ACER3: variants seen among roughly 807,000 people sequenced by gnomAD.
The protein encoded by ACER3 is alkCDase 3.
A neutral mutation model predicts 48.9 loss-of-function variants in ACER3; 16 were observed. The ratio of observed to expected loss-of-function variants is 0.33; its 90% CI spans 0.22 to 0.50. The LOEUF (loss-of-function observed/expected upper bound fraction) is 0.50, where lower values mean the gene tolerates loss of function less well. ACER3 is among the 20% of genes least tolerant of loss of function. The probability of loss-of-function intolerance (pLI) is 0.98; values close to 1 mark genes in which losing one functional copy is unlikely to be tolerated. For missense variants in ACER3, 227 were observed against 326.0 expected (o/e 0.70, Z 2.34); for synonymous variants, 109 against 107.8 (o/e 1.01, Z -0.07).
chr11:76,875,419 A>G (rs1408819051), intron 1 of ACER3, among the ~76,000 whole-genome samples: 1 of 152,038 alleles, frequency 6.6e-6, no homozygotes, highest in Non-Finnish European at 1.5e-5. Flanking sequence ...CCCGGCCAAC[A>G]TTTCATTTTT....
intron 7 of ACER3, among the ~76,000 whole-genome samples, chr11:77,000,665 G>A (rs1555019613): frequency 6.6e-6 from 1 of 152,210 alleles, no homozygotes; most frequent in Admixed American, 6.5e-5. Context: ...TAGTGGAAAA[G>A]ACTATCCTTT....
chr11:77,001,333 G>A (rs1438636920), intron 7 of ACER3, among the ~76,000 whole-genome samples: 3 of 152,080 alleles, frequency 2.0e-5, no homozygotes, highest in Non-Finnish European at 4.4e-5. Flanking sequence ...TCGGCTCGCT[G>A]CAGCCTCTGC....
At chr11:76,953,993 G>C (rs1287239807) in intron 2 of ACER3, among the ~76,000 whole-genome samples, 2 of 148,076 alleles carry the variant, frequency 1.4e-5, no homozygotes, top group Non-Finnish European at 3.0e-5. Flanking sequence ...TGTCGCCCAG[G>C]CTAGAGTGCA....
chr11:77,012,993 T>C (rs1949299968), intron 7 of ACER3, among the ~76,000 whole-genome samples: 1 of 152,090 alleles, frequency 6.6e-6, no homozygotes, highest in Admixed American at 6.5e-5. Flanking sequence ...TTTCAACAAA[T>C]ATGTCAAGGT....
intron 1 of ACER3, among the ~76,000 whole-genome samples, chr11:76,865,540 G>A (rs983646420): frequency 1.4e-5 from 2 of 145,802 alleles, no homozygotes; most frequent in African/African-American, 5.1e-5. Context: ...ACGGAATCTC[G>A]CTCTGTCACC....
At chr11:76,942,449 T>C (rs73489579) in intron 2 of ACER3, among the ~76,000 whole-genome samples, 16,359 of 152,074 alleles carry the variant, frequency 0.11, 2,911 homozygotes, top group African/African-American at 0.37. Context: ...ATTCTTTTTA[T>C]GTGATGATTT....
chr11:76,917,750 A>G (rs1046131547), intron 1 of ACER3, among the ~76,000 whole-genome samples: 6 of 150,810 alleles, frequency 4.0e-5, no homozygotes, highest in Non-Finnish European at 5.9e-5. Context: ...AGTCCCAGCT[A>G]CACAGGAGGC....
intron 1 of ACER3, among the ~76,000 whole-genome samples, chr11:76,867,766 CT>C (rs1945133555): frequency 6.6e-6 from 1 of 152,190 alleles, no homozygotes; most frequent in African/African-American, 2.4e-5. Context: ...GTTGGTATGA[CT>C]TTCATGGATG....
chr11:76,913,710 C>T (rs1946447219), intron 1 of ACER3, among the ~76,000 whole-genome samples: 1 of 152,096 alleles, frequency 6.6e-6, no homozygotes, highest in South Asian at 2.1e-4. Context: ...CTTTAAAGTT[C>T]ATATGAAAGC....
At chr11:76,990,134 G>T (rs1948768317) in intron 5 of ACER3, among the ~76,000 whole-genome samples, 1 of 152,210 alleles carries the variant, frequency 6.6e-6, no homozygotes, top group Non-Finnish European at 1.5e-5. Flanking sequence ...AAGGCATGTA[G>T]CAAGTAAGTG....
intron 7 of ACER3, among the ~76,000 whole-genome samples, chr11:77,010,644 A>G (rs1282343570): frequency 6.6e-6 from 1 of 152,180 alleles, no homozygotes; most frequent in Non-Finnish European, 1.5e-5. Context: ...CCCACTGGAT[A>G]CCCAGCACAA....
intron 1 of ACER3, among the ~76,000 whole-genome samples, chr11:76,923,273 A>T (rs1483448543): frequency 6.6e-6 from 1 of 152,186 alleles, no homozygotes; most frequent in Non-Finnish European, 1.5e-5. Flanking sequence ...CAAAAACAAG[A>T]TAGTAACATA....
At chr11:76,945,669 G>T (rs1434491938) in intron 2 of ACER3, among the ~76,000 whole-genome samples, 1 of 152,184 alleles carries the variant, frequency 6.6e-6, no homozygotes, top group Non-Finnish European at 1.5e-5. Flanking sequence ...GGGTACTGGA[G>T]GGCTGATTCT....
intron 1 of ACER3, among the ~76,000 whole-genome samples, chr11:76,880,108 G>A (rs1357303369): frequency 1.3e-5 from 2 of 151,550 alleles, no homozygotes; most frequent in African/African-American, 2.4e-5. Flanking sequence ...TGGTTTATTC[G>A]ATTTTATTAT....
At chr11:76,897,822 G>C (rs1416090249) in intron 1 of ACER3, among the ~76,000 whole-genome samples, 1 of 152,058 alleles carries the variant, frequency 6.6e-6, no homozygotes, top group East Asian at 1.9e-4. Context: ...GTAAAAATGT[G>C]GTTGATGAAA....
chr11:76,974,055 CTCAAT>C (rs1366088192), intron 3 of ACER3, among the ~76,000 whole-genome samples: 55 of 152,324 alleles, frequency 3.6e-4, no homozygotes, highest in African/African-American at 1.3e-3. Flanking sequence ...TTTATCAGCT[CTCAAT>C]TCTATTCTAT....
chr11:76,961,008 C>G (rs146508618), intron 3 of ACER3, among the ~76,000 whole-genome samples: 1 of 152,178 alleles, frequency 6.6e-6, no homozygotes, highest in Non-Finnish European at 1.5e-5. Flanking sequence ...TCTGAGAGCA[C>G]AAGCAGAGTC....
At chr11:76,872,103 G>A (rs1328341493) in intron 1 of ACER3, among the ~76,000 whole-genome samples, 1 of 136,454 alleles carries the variant, frequency 7.3e-6, no homozygotes, top group Non-Finnish European at 1.5e-5. Flanking sequence ...TTGAGACTGA[G>A]TCTTGCTCTG....
chr11:76,876,753 T>G (rs910007963), intron 1 of ACER3, among the ~76,000 whole-genome samples: 2 of 152,218 alleles, frequency 1.3e-5, no homozygotes, highest in Admixed American at 6.5e-5. Flanking sequence ...TGTATCTCAT[T>G]GTGCTATCCA....
Sources: allele counts gnomAD v4.1 joint callset (sites outside exome capture counted in the v4.1 genomes callset), GRCh38; gene constraint gnomAD v4.1.1; transcripts MANE v1.5; gene names NCBI Gene and HGNC (gene_info 2026-07-23, HGNC 2026-07-21).